Variants in SIPA1L2 observed in about 807,000 individuals in gnomAD.
SIPA1L2 encodes the protein signal-induced proliferation-associated 1-like protein 2.
A neutral mutation model predicts 163.9 loss-of-function variants in SIPA1L2; 56 were observed. The ratio of observed to expected loss-of-function variants is 0.34; its 90% CI spans 0.28 to 0.43. SIPA1L2 has a LOEUF of 0.43. Ranked by LOEUF, SIPA1L2 falls within the 20% of genes least tolerant of loss-of-function variation. The pLI is 1.00. For synonymous variants in SIPA1L2, 877 were observed against 865.7 expected, an observed-to-expected ratio of 1.01 and a Z score of -0.23; for missense variants, 1,974 against 2,193.5, an observed-to-expected ratio of 0.90 and a Z score of 2.00.
chr1:232,490,829 A>C, intron 5 of SIPA1L2, 45 bp downstream of exon 5: 1 of 1,539,026 alleles, frequency 6.5e-7, no homozygotes. Flanking sequence ...TTTCAGAAAC[A>C]GACACAAATT....
chr1:232,560,894 G>GA (rs953841584), intron 2 of SIPA1L2, among the ~76,000 whole-genome samples: 44 of 151,718 alleles, frequency 2.9e-4, no homozygotes, highest in Non-Finnish European at 5.3e-4. Flanking sequence ...TCATGAAGAG[G>GA]AAAAAAAAGT....
chr1:232,502,299 G>A (rs554442967), intron 3 of SIPA1L2, among the ~76,000 whole-genome samples: 7 of 152,076 alleles, frequency 4.6e-5, no homozygotes, highest in Non-Finnish European at 1.0e-4. Flanking sequence ...ACAAAAGAGC[G>A]CACATAAAAT....
intron 1 of SIPA1L2, among the ~76,000 whole-genome samples, chr1:232,592,051 C>T (rs1660995188): frequency 6.6e-6 from 1 of 151,966 alleles, no homozygotes; most frequent in South Asian, 2.1e-4. Flanking sequence ...GAAGGGGCTA[C>T]CAGAATAAGA....
intron 1 of SIPA1L2, among the ~76,000 whole-genome samples, chr1:232,623,482 C>G (rs1281060504): frequency 6.6e-6 from 1 of 152,138 alleles, no homozygotes; most frequent in Non-Finnish European, 1.5e-5. Context: ...GTGGCAGGCA[C>G]CTGTAGTCCC....
At chr1:232,600,406 T>C (rs1661530950) in intron 1 of SIPA1L2, among the ~76,000 whole-genome samples, 1 of 152,180 alleles carries the variant, frequency 6.6e-6, no homozygotes, top group South Asian at 2.1e-4. Flanking sequence ...TTTTAACTTA[T>C]TTTAGTTACT....
At chr1:232,525,922 A>C (rs1294547711) in intron 2 of SIPA1L2, among the ~76,000 whole-genome samples, 1 of 152,214 alleles carries the variant, frequency 6.6e-6, no homozygotes, top group Non-Finnish European at 1.5e-5. Flanking sequence ...GCATATGTCC[A>C]GTCCTTAGCT....
intron 10 of SIPA1L2, among the ~76,000 whole-genome samples, chr1:232,452,631 C>G (rs1663652006): frequency 6.6e-6 from 1 of 152,182 alleles, no homozygotes; most frequent in South Asian, 2.1e-4. Flanking sequence ...GGACTTGGTT[C>G]TAAATCATGT....
At chr1:232,414,240 C>T (rs1890315) in intron 19 of SIPA1L2, among the ~76,000 whole-genome samples, 12,214 of 152,182 alleles carry the variant, frequency 0.08, 595 homozygotes, top group Middle Eastern at 0.15. Flanking sequence ...TAGCAAGCTG[C>T]CTTTCACCTA....
intron 16 of SIPA1L2, among the ~76,000 whole-genome samples, chr1:232,431,346 C>T (rs1047903905): frequency 1.3e-4 from 20 of 152,056 alleles, no homozygotes; most frequent in African/African-American, 4.6e-4. Context: ...ATTCCATGTT[C>T]AATTTAAGCA....
At position 232,508,920 on chromosome 1, in the gene SIPA1L2, C is replaced by T. The variant is rs531636221; in HGVS notation, c.1483+4937G>A. On this transcript the variant is annotated intron_variant, in intron 3 of 22. Transcript: ENST00000674635. ...CAGCCTGGCCAACACGGCGAAACCC[C>T]ATCTCTACTAAAAATACAAAAATTA... 3.9e-5 allele frequency among the ~76,000 whole-genome samples: 6 copies of T among 152,258 alleles called. No homozygotes were observed. The East Asian group carries it at 9.7e-4, about 25-fold the overall frequency.
At chr1:232,615,870 C>T (rs941490871) in intron 1 of SIPA1L2, among the ~76,000 whole-genome samples, 1 of 152,210 alleles carries the variant, frequency 6.6e-6, no homozygotes. Flanking sequence ...CTGCCTTACT[C>T]ACCACCATAA....
intron 1 of SIPA1L2, among the ~76,000 whole-genome samples, chr1:232,623,499 T>C (rs1662924126): frequency 6.6e-6 from 1 of 152,102 alleles, no homozygotes; most frequent in Non-Finnish European, 1.5e-5. Flanking sequence ...TCCCAGCTTC[T>C]TGGGAGGCTG....
At chr1:232,606,503 G>A (rs1661929086) in intron 1 of SIPA1L2, among the ~76,000 whole-genome samples, 1 of 151,946 alleles carries the variant, frequency 6.6e-6, no homozygotes, top group Non-Finnish European at 1.5e-5. Context: ...TTAATGTTTA[G>A]TAGCAATGCG....
At chr1:232,619,679 C>G (rs1417320219) in intron 1 of SIPA1L2, among the ~76,000 whole-genome samples, 2 of 152,188 alleles carry the variant, frequency 1.3e-5, no homozygotes, top group Admixed American at 1.3e-4. Context: ...GTCTCACACC[C>G]TAGGGTGCCC....
intron 10 of SIPA1L2, among the ~76,000 whole-genome samples, chr1:232,449,391 G>A (rs549583319): frequency 4.4e-4 from 67 of 152,044 alleles, no homozygotes; most frequent in Admixed American, 4.0e-3. Flanking sequence ...GGTGGTGGGC[G>A]TCTGTGGTCC....
chr1:232,470,535 T>C (rs772025716), intron 8 of SIPA1L2, among the ~76,000 whole-genome samples: 2 of 152,222 alleles, frequency 1.3e-5, no homozygotes, highest in Non-Finnish European at 2.9e-5. Context: ...CAAGGAATAG[T>C]CGTGTCTCTG....
intron 18 of SIPA1L2, among the ~76,000 whole-genome samples, chr1:232,422,423 T>C (rs577453798): frequency 1.2e-4 from 18 of 152,174 alleles, no homozygotes; most frequent in Non-Finnish European, 2.4e-4. Context: ...TAAAAATACC[T>C]GAAAGAGAAG....
intron 2 of SIPA1L2, among the ~76,000 whole-genome samples, chr1:232,556,171 C>G (rs150080885): frequency 6.6e-6 from 1 of 152,200 alleles, no homozygotes; most frequent in Non-Finnish European, 1.5e-5. Flanking sequence ...TAAAAGCTTA[C>G]CTTTCTGTCT....
chr1:232,542,745 T>C (rs1657764670), intron 2 of SIPA1L2, among the ~76,000 whole-genome samples: 1 of 152,194 alleles, frequency 6.6e-6, no homozygotes, highest in South Asian at 2.1e-4. Flanking sequence ...ACTGGCAAGG[T>C]ATTTGCAGTT....
Sources: gnomAD v4.1 joint callset for allele counts (sites outside exome capture counted in the v4.1 genomes callset) on GRCh38, gnomAD v4.1.1 for gene constraint, MANE v1.5 for transcripts, NCBI Gene and HGNC (gene_info 2026-07-23, HGNC 2026-07-21) for gene names.